Variants in DHX8 observed in about 807,000 individuals in gnomAD.
DHX8 encodes the protein ATP-dependent RNA helicase DHX8.
A neutral mutation model predicts 140.7 loss-of-function variants in DHX8; 67 were observed. The ratio of observed to expected loss-of-function variants is 0.48; its 90% CI spans 0.39 to 0.58. The LOEUF (loss-of-function observed/expected upper bound fraction) is 0.58, where lower values mean the gene tolerates loss of function less well. Among genes scored for constraint, DHX8 ranks in the 20% least tolerant of loss-of-function variants. The pLI is 0.00. For synonymous variants in DHX8, 533 were observed against 553.2 expected (o/e 0.96, Z 0.51); for missense variants, 887 against 1,550.7 (o/e 0.57, Z 7.19).
At position 43,500,087 on chromosome 17, in the gene DHX8, T is replaced by A. The variant is rs1969095522; in HGVS notation, c.1530T>A (p.Val510=). The change falls in exon 11 of 23, where the codon GTT becomes GTA. Residue 510 remains valine (V), a synonymous_variant. Transcript: ENST00000262415. ...CCATGGGACTCAACAAACACTGGGT[T>A]GACCCTCTGCCTGATGGTAGGACCC... The part of the protein sequence containing the change: ...SIPMGLNKHW[V]DPLPDAEGRQ... 6.2e-7 allele frequency: 1 copy of A among 1,613,972 alleles called. No individual in the cohort carries two copies. The highest frequency in any genetic ancestry group is 8.5e-7 in the Non-Finnish European group (1 of 1,179,996).
chr17:43,504,492 C>T, intron 11 of DHX8, 152 bp from the exon 12 acceptor site: 2 of 722,874 alleles, frequency 2.8e-6, no homozygotes, highest in East Asian at 2.6e-5. Context: ...ATATTCTTTT[C>T]TTCACATTAA....
chr17:43,491,561 C>A (rs1473720726), intron 4 of DHX8, among the ~76,000 whole-genome samples: 1 of 151,224 alleles, frequency 6.6e-6, no homozygotes, highest in South Asian at 2.1e-4. Flanking sequence ...TGTTAAAGGT[C>A]TAATTTTTAA....
rs1420324178 is a variant in DHX8, at chr17:43,491,218, G to A, written c.361G>A (p.Val121Ile). 2 of 1,537,502 alleles carry A rather than the reference G, an allele frequency of 1.3e-6. No individual in the cohort carries two copies. Among genetic ancestry groups the A allele is most frequent in the Non-Finnish European group, 8.8e-7 (1 of 1,142,212 alleles). ...AGAAAAGCTGAAGGAACTCTTCCCA[G>A]TCCTTTGCCAACCGGACAACCCTTC... Reference protein sequence around the residue: ...EKEKLKELFPVLCQPDNPSVR... With the variant: ...EKEKLKELFPILCQPDNPSVR... Residue 121 changes from valine (V) to isoleucine (I), a missense_variant, in exon 4 of 23, where the codon GTC (valine) becomes ATC (isoleucine). Transcript: ENST00000262415.
chr17:43,513,590 T>C, intron 17 of DHX8, 88 bp downstream of exon 17: 3 of 1,432,618 alleles, frequency 2.1e-6, no homozygotes, highest in South Asian at 1.4e-5. Flanking sequence ...TCAAACTTGT[T>C]TTCAAAGATG....
chr17:43,508,377 G>GAT lies in DHX8; in HGVS notation c.2361_2362dup (p.Thr788IlefsTer11), dbSNP rs1197130291. 1 of 1,612,248 alleles carries GAT rather than the reference G, an allele frequency of 6.2e-7. No homozygotes were observed. Among genetic ancestry groups the GAT allele is most frequent in the Non-Finnish European group, 8.5e-7 (1 of 1,178,500 alleles). On this transcript the variant is annotated frameshift_variant, in exon 16 of 23. Transcript: ENST00000262415. LOFTEE classifies it high-confidence loss of function. ...CTTCCTGACTGGTCAGGAAGAAATT[G>GAT]ATACTGCTTGTGAGATCCTGTATGA...
At position 43,520,964 on chromosome 17, in the gene DHX8, CTTTTTTT is replaced by C. The variant is rs10672223; in HGVS notation, c.3066+103_3066+109del. 155 of 399,564 alleles carry C rather than the reference CTTTTTTT, an allele frequency of 3.9e-4. 1 individual carries two copies. The highest frequency in any genetic ancestry group is 3.6e-3 in the African/African-American group (82 of 22,872). The allele number at this position is 399,564 out of a possible 1,614,324, so 24.8% of individuals were successfully genotyped here. A position where few individuals can be genotyped will look rare whatever the true frequency, so the allele number is the denominator to read the frequency against. Reference sequence around the variant, plus strand: ...TTGCCATTCCAATGCTTGATGTGGACTTTTTTTTTTTTTTTTTTTTTTTTGAGATGGA... The same window carrying C: ...TTGCCATTCCAATGCTTGATGTGGACTTTTTTTTTTTTTTTTTGAGATGGA... On this transcript the variant is annotated intron_variant, in intron 20 of 22. Coordinates refer to ENST00000262415, the MANE Select transcript of DHX8 (RefSeq NM_004941.3).
chr17:43,487,176 A>G (rs1271382866), intron 1 of DHX8, among the ~76,000 whole-genome samples: 2 of 152,248 alleles, frequency 1.3e-5, no homozygotes, highest in African/African-American at 2.4e-5. Flanking sequence ...CATAAAAAGC[A>G]CTTAGCATAG....
intron 3 of DHX8, among the ~76,000 whole-genome samples, chr17:43,542,194 A>G (rs146960672): frequency 9.9e-5 from 15 of 152,276 alleles, no homozygotes; most frequent in African/African-American, 3.1e-4. Context: ...AGAATCTGAT[A>G]AAAGCTATGG....
chr17:43,540,575 C>G (rs1316725752), intron 3 of DHX8, among the ~76,000 whole-genome samples: 2 of 152,188 alleles, frequency 1.3e-5, no homozygotes, highest in Admixed American at 1.3e-4. Context: ...ATAAGGAAGT[C>G]TCCTGTGTCA....
At chr17:43,509,481 CTTAT>C (rs1389655160) in intron 16 of DHX8, among the ~76,000 whole-genome samples, 3 of 150,446 alleles carry the variant, frequency 2.0e-5, no homozygotes, top group African/African-American at 7.4e-5. Context: ...CCACCTCCCA[CTTAT>C]TTTTTTTTTT....
chr17:43,543,274 A>ACTCTCTCTCTCTCT (rs1250640458), intron 3 of DHX8, among the ~76,000 whole-genome samples: 14 of 41,496 alleles, frequency 3.4e-4, no homozygotes, highest in African/African-American at 2.4e-3. Flanking sequence ...TAACACACAC[A>ACTCTCTCTCTCTCT]CACTCTCTCT....
chr17:43,500,783 C>T (rs924018810), intron 11 of DHX8, among the ~76,000 whole-genome samples: 1 of 151,780 alleles, frequency 6.6e-6, no homozygotes, highest in African/African-American at 2.4e-5. Context: ...TGGTGGTGCG[C>T]GCCTGTAGTC....
At chr17:43,501,157 C>G (rs1181547479) in intron 11 of DHX8, among the ~76,000 whole-genome samples, 1 of 151,994 alleles carries the variant, frequency 6.6e-6, no homozygotes, top group Non-Finnish European at 1.5e-5. Flanking sequence ...TGATCAGTGC[C>G]ATGTGAAGAA....
At position 43,535,466 on chromosome 17, in the gene DHX8, G is replaced by A. The variant is rs116754427; in HGVS notation, c.351-946G>A. ...CTAATTTTTGTATTTTAGTAAAGAC[G>A]GAATTTCATCATGTTGGCCAGGTTG... On this transcript the variant is annotated intron_variant, in intron 2 of 3. Transcript: ENST00000589898. Among the ~76,000 whole-genome samples the A allele has an allele frequency of 4.9e-3, 752 of 152,104 alleles. 8 individuals carry two copies. The highest frequency in any genetic ancestry group is 0.015 in the African/African-American group (633 of 41,494).
At chr17:43,522,271 A>G (rs1409632788) in intron 22 of DHX8, 45 bp downstream of exon 22, 1 of 1,554,994 alleles carries the variant, frequency 6.4e-7, no homozygotes, top group Non-Finnish European at 8.7e-7. Context: ...CTGGGCAGAG[A>G]AAAACCTGTA....
intron 17 of DHX8, among the ~76,000 whole-genome samples, chr17:43,513,873 C>G (rs1218752241): frequency 1.3e-5 from 2 of 151,966 alleles, no homozygotes; most frequent in African/African-American, 4.8e-5. Context: ...GCCACCACAC[C>G]TAGCTAATTT....
intron 2 of DHX8, among the ~76,000 whole-genome samples, chr17:43,489,812 G>A (rs998440176): frequency 1.3e-5 from 2 of 152,004 alleles, no homozygotes; most frequent in East Asian, 1.9e-4. Flanking sequence ...GGATGGTCTC[G>A]ATCTCCTGAC....
At chr17:43,544,244 TCAGACCCAGCCA>T (rs975535401) in exon 4 of DHX8, 1 of 152,030 alleles carries the variant, frequency 6.6e-6, no homozygotes, top group African/African-American at 2.4e-5. Flanking sequence ...CACTTCCCCA[TCAGACCCAGCCA>T]CGGACCCAGC....
chr17:43,541,931 G>A (rs1971544817), intron 3 of DHX8, among the ~76,000 whole-genome samples: 1 of 152,162 alleles, frequency 6.6e-6, no homozygotes, highest in Non-Finnish European at 1.5e-5. Flanking sequence ...ACATGCCGAG[G>A]CACCAGTGTA....
Sources: gnomAD v4.1 joint callset for allele counts (sites outside exome capture counted in the v4.1 genomes callset) on GRCh38, gnomAD v4.1.1 for gene constraint, MANE v1.5 for transcripts, NCBI Gene and HGNC (gene_info 2026-07-23, HGNC 2026-07-21) for gene names.